ITGA11: variants seen among roughly 807,000 people sequenced by gnomAD.
ITGA11 encodes integrin alpha-11.
Under a neutral mutation model 141.9 loss-of-function variants are expected in ITGA11, and 97 were observed. That is an observed-to-expected ratio of 0.68 (90% confidence interval 0.58 to 0.81). ITGA11 has a LOEUF of 0.81. ITGA11 is among the 30% of genes least tolerant of loss of function. The pLI, the probability that ITGA11 is intolerant of heterozygous loss-of-function variation, is 0.00. For missense variants in ITGA11, 1,387 were observed against 1,559.2 expected, an observed-to-expected ratio of 0.89 and a Z score of 1.86; for synonymous variants, 658 against 624.6, an observed-to-expected ratio of 1.05 and a Z score of -0.80.
In ITGA11 at chr15:68,322,176, CA is replaced by C. The variant is rs1466966095; in HGVS notation, c.2323-674del. Among the ~76,000 whole-genome samples the C allele has an allele frequency of 1.5e-4, 23 of 152,106 alleles. No individual in the cohort carries two copies. The highest frequency in any genetic ancestry group is 2.4e-5 in the African/African-American group (1 of 41,400). ...GTCAGTGTTGCTGTGGTAAGAGACA[CA>C]GGGGTGGGAGAGAGGAAGAGATGGT... On this transcript the variant is annotated intron_variant, in intron 18 of 29. Coordinates refer to ENST00000315757, the MANE Select transcript of ITGA11 (RefSeq NM_001004439.2). The surrounding 1 kb of genome is among the most constrained non-coding windows in gnomAD (Gnocchi z 5.6).
At position 68,361,672 on chromosome 15, in the gene ITGA11, C is replaced by T. The variant is rs958577744; in HGVS notation, c.390G>A (p.Gly130=). 1.9e-6 allele frequency: 3 copies of T among 1,609,288 alleles called. No individual in the cohort carries two copies. The highest frequency in any genetic ancestry group is 2.7e-5 in the African/African-American group (2 of 74,806). ...ACSPLWSHEC[G]SSYYTTGMCS... Reference sequence around the variant, plus strand: ...ACATCCCTGTGGTGTAGTAGGAGCTCCCACACTCATGAGACCAGAGGGGGC... The same window carrying T: ...ACATCCCTGTGGTGTAGTAGGAGCTTCCACACTCATGAGACCAGAGGGGGC... The change falls in exon 5 of 30, where the codon GGG becomes GGA. Residue 130 remains glycine (G), a synonymous_variant. Coordinates refer to ENST00000315757, the MANE Select transcript of ITGA11 (RefSeq NM_001004439.2).
At position 68,414,258 on chromosome 15, in the gene ITGA11, C is replaced by T. The variant is rs1255313028; in HGVS notation, c.53-11229G>A. Among the ~76,000 whole-genome samples, 4 of 152,172 alleles carry T rather than the reference C, an allele frequency of 2.6e-5. No homozygotes were observed. The East Asian group carries it at 5.8e-4, about 22-fold the overall frequency. On this transcript the variant is annotated intron_variant, in intron 1 of 29. Coordinates refer to ENST00000315757, the MANE Select transcript of ITGA11 (RefSeq NM_001004439.2). ...AGCTCCTTTGAGGCATGACTGTGGC[C>T]TTGGAATGACAGAGGCTTCTCAGTC...
In ITGA11 at chr15:68,312,767, C is replaced by T; in HGVS notation, c.2973+6G>A. Reference sequence around the variant, plus strand: ...CCCCCTCTACCCGGCTCCCCTCCAGCCTCACCCTGAAGATGCAGCTGAAGG... The same window carrying T: ...CCCCCTCTACCCGGCTCCCCTCCAGTCTCACCCTGAAGATGCAGCTGAAGG... On this transcript the variant is annotated splice_donor_region_variant and intron_variant, in intron 24 of 29. Transcript: ENST00000315757. 6.2e-7 allele frequency: 1 copy of T among 1,609,608 alleles called. No individual in the cohort carries two copies. Among genetic ancestry groups the T allele is most frequent in the Non-Finnish European group, 8.5e-7 (1 of 1,176,516 alleles).
intron 10 of ITGA11, among the ~76,000 whole-genome samples, chr15:68,347,632 C>T (rs1220558241): frequency 6.6e-6 from 1 of 152,138 alleles, no homozygotes; most frequent in South Asian, 2.1e-4. Context: ...TGACTCAGAC[C>T]CCCGGAGATT....
At chr15:68,319,234 T>G (rs914410804) in intron 20 of ITGA11, among the ~76,000 whole-genome samples, 2 of 152,216 alleles carry the variant, frequency 1.3e-5, no homozygotes, top group Non-Finnish European at 2.9e-5. Context: ...TGGGCAGGCC[T>G]TAACCCCTCC....
rs144407672 is a variant in ITGA11, at chr15:68,404,383, C to A, written c.53-1354G>T. 1.3e-3 allele frequency among the ~76,000 whole-genome samples: 203 copies of A among 152,294 alleles called. 2 individuals are homozygous for A. Among genetic ancestry groups the A allele is most frequent in the African/African-American group, 4.8e-3 (198 of 41,558 alleles). ...ACCCTTTCGCCCTGGCCCCAAGGGT[C>A]GCCCCTGTTTGTTTAAGTCACCTGT... On this transcript the variant is annotated intron_variant, in intron 1 of 29. Transcript: ENST00000315757.
rs1219286547 is a variant in ITGA11, at chr15:68,297,586, TC to T, written c.*5472del. ...TTTCCTTTTATTACCACTACGTACT[TC>T]TAAATATTAATGTTTTTACAAAAGC... On this transcript the variant is annotated 3_prime_UTR_variant, in exon 30 of 30. Transcript: ENST00000315757. 6.6e-6 allele frequency: 1 copy of T among 152,014 alleles called. No individual in the cohort carries two copies. The highest frequency in any genetic ancestry group is 2.4e-5 in the African/African-American group (1 of 41,414). The allele number at this position is 152,014 out of a possible 1,614,324, so 9.4% of individuals were successfully genotyped here. A position where few individuals can be genotyped will look rare whatever the true frequency, so the allele number is the denominator to read the frequency against.
At chr15:68,369,392 G>GGGGGGA in intron 2 of ITGA11, 108 bp from the exon 3 acceptor site, 14 of 187,568 alleles carry the variant, frequency 7.5e-5, no homozygotes, top group South Asian at 1.7e-4. Flanking sequence ...GGGAGGGTGG[G>GGGGGGA]AGGGAACCCT....
intron 4 of ITGA11, among the ~76,000 whole-genome samples, chr15:68,363,950 G>A (rs372331341): frequency 1.3e-5 from 2 of 152,160 alleles, no homozygotes; most frequent in South Asian, 2.1e-4. Context: ...TTTGCTTGTC[G>A]CCTCTCTTTC....
chr15:68,334,961 T>C (rs1238914963), intron 12 of ITGA11, among the ~76,000 whole-genome samples: 2 of 151,390 alleles, frequency 1.3e-5, no homozygotes, highest in Non-Finnish European at 3.0e-5. Flanking sequence ...CGCTCTGCAG[T>C]GAGAGGGATT....
In ITGA11 at chr15:68,339,650, A is replaced by G. The variant is rs1216181432; in HGVS notation, c.1132-6T>C. The G allele has an allele frequency of 6.2e-7, 1 of 1,613,888 alleles. No individual in the cohort carries two copies. Among genetic ancestry groups the G allele is most frequent in the African/African-American group, 1.3e-5 (1 of 75,042 alleles). On this transcript the variant is annotated splice_polypyrimidine_tract_variant and splice_region_variant and intron_variant, in intron 10 of 29. Transcript: ENST00000315757. ...GCTCCCAGCAGAACCCCATCCTGGCATTGGGGAGGGGACACACATCAGCAC... is the reference window on the plus strand; with the variant it reads ...GCTCCCAGCAGAACCCCATCCTGGCGTTGGGGAGGGGACACACATCAGCAC...
chr15:68,301,310 A>T lies in ITGA11; in HGVS notation c.*1749T>A, dbSNP rs1477682421. ...ACTGGGAATCCAAGACATGAATGGCACAAGAACAGAATGGAGACGCCTTGG... is the reference window on the plus strand; with the variant it reads ...ACTGGGAATCCAAGACATGAATGGCTCAAGAACAGAATGGAGACGCCTTGG... On this transcript the variant is annotated 3_prime_UTR_variant, in exon 30 of 30. Coordinates refer to ENST00000315757, the MANE Select transcript of ITGA11 (RefSeq NM_001004439.2). This position sits in a 1 kb window ranked among gnomAD's most constrained non-coding sequence, Gnocchi z 4.4. 2.0e-5 allele frequency: 3 copies of T among 152,266 alleles called. No individual in the cohort carries two copies. Among genetic ancestry groups the T allele is most frequent in the African/African-American group, 7.2e-5 (3 of 41,466 alleles). The allele number at this position is 152,266 out of a possible 1,614,324, so 9.4% of individuals were successfully genotyped here.
intron 1 of ITGA11, among the ~76,000 whole-genome samples, chr15:68,414,819 C>G (rs552774752): frequency 6.6e-6 from 1 of 152,164 alleles, no homozygotes; most frequent in African/African-American, 2.4e-5. Context: ...CTCAAGCCCC[C>G]CCATGAAAGT....
At chr15:68,396,933 T>TAA (rs1567156404) in intron 2 of ITGA11, among the ~76,000 whole-genome samples, 1 of 31,508 alleles carries the variant, frequency 3.2e-5, no homozygotes, top group African/African-American at 1.5e-4. Flanking sequence ...TTATATAATA[T>TAA]ATAATATATT....
At chr15:68,316,203 G>A (rs890651856) in intron 21 of ITGA11, among the ~76,000 whole-genome samples, 6 of 152,218 alleles carry the variant, frequency 3.9e-5, no homozygotes, top group Admixed American at 2.6e-4. Context: ...GGCCCAGAGA[G>A]GGATGAGGGC....
chr15:68,332,713 G>A (rs190942744), intron 12 of ITGA11, among the ~76,000 whole-genome samples: 19 of 151,904 alleles, frequency 1.3e-4, no homozygotes, highest in East Asian at 1.2e-3. Flanking sequence ...TTATCCCCTC[G>A]CCACTCTTCT....
At chr15:68,350,823 G>A (rs767876347) in intron 8 of ITGA11, 41 bp from the exon 9 acceptor site, 5 of 1,583,790 alleles carry the variant, frequency 3.2e-6, no homozygotes, top group Non-Finnish European at 4.3e-6. Context: ...CCAGAACATA[G>A]CACAGACTTT....
At chr15:68,327,374 T>C (rs575161026) in intron 16 of ITGA11, among the ~76,000 whole-genome samples, 1 of 152,348 alleles carries the variant, frequency 6.6e-6, no homozygotes, top group East Asian at 1.9e-4. Context: ...GCCCGCAGGT[T>C]GCTGCTGGCT....
At chr15:68,319,730 C>A (rs1342188622) in intron 20 of ITGA11, among the ~76,000 whole-genome samples, 1 of 152,122 alleles carries the variant, frequency 6.6e-6, no homozygotes, top group South Asian at 2.1e-4. Flanking sequence ...CTAACCAGGG[C>A]CCAGGAGTCG....
Sources: gnomAD v4.1 joint callset for allele counts (sites outside exome capture counted in the v4.1 genomes callset) on GRCh38, gnomAD v4.1.1 for gene constraint, Gnocchi (gnomAD v3.1) non-coding constraint, MANE v1.5 for transcripts, NCBI Gene and HGNC (gene_info 2026-07-23, HGNC 2026-07-21) for gene names.